The following CTNNA3 variants were observed in gnomAD, a reference collection of about 807,000 sequenced individuals.
CTNNA3 encodes catenin alpha-3.
Under a neutral mutation model 95.7 loss-of-function variants are expected in CTNNA3, and 76 were observed. The observed-to-expected ratio is 0.79, with a 90% CI of 0.66 to 0.96. The LOEUF is 0.96. Among genes scored for constraint, CTNNA3 ranks in the 40% least tolerant of loss-of-function variants. The pLI is 0.00. For missense variants in CTNNA3, 1,191 were observed against 1,089.8 expected (o/e 1.09, Z -1.31); for synonymous variants, 431 against 374.4 (o/e 1.15, Z -1.74).
chr10:66,546,822 G>A (rs1029141680), intron 10 of CTNNA3, among the ~76,000 whole-genome samples: 10 of 152,078 alleles, frequency 6.6e-5, no homozygotes, highest in Non-Finnish European at 1.2e-4. Context: ...GATTTTGGGT[G>A]GGGACACAGC....
At chr10:66,125,439 T>C (rs867799331) in intron 13 of CTNNA3, among the ~76,000 whole-genome samples, 1 of 152,128 alleles carries the variant, frequency 6.6e-6, no homozygotes, top group Non-Finnish European at 1.5e-5. Flanking sequence ...CTAGGGCAAG[T>C]ACTCAGTTTT....
chr10:67,437,337 G>A (rs1253742304), intron 5 of CTNNA3, among the ~76,000 whole-genome samples: 2 of 152,168 alleles, frequency 1.3e-5, no homozygotes, highest in Admixed American at 6.5e-5. Context: ...CTGGGAGTGG[G>A]GTGAGGGATA....
intron 12 of CTNNA3, among the ~76,000 whole-genome samples, chr10:66,298,325 C>G (rs946769871): frequency 6.6e-6 from 1 of 152,148 alleles, no homozygotes; most frequent in East Asian, 1.9e-4. Context: ...GTAATGGTTT[C>G]AAACCAACAC....
At chr10:66,183,577 G>A (rs759304437) in intron 13 of CTNNA3, among the ~76,000 whole-genome samples, 6 of 152,182 alleles carry the variant, frequency 3.9e-5, no homozygotes, top group Non-Finnish European at 7.3e-5. Flanking sequence ...TATGCCAATG[G>A]GCATTGGGTT....
intron 4 of CTNNA3, among the ~76,000 whole-genome samples, chr10:67,531,529 T>C (rs964744459): frequency 1.3e-5 from 2 of 152,248 alleles, no homozygotes; most frequent in African/African-American, 4.8e-5. Context: ...CAGCTGTATT[T>C]ACCCAATGCC....
intron 5 of CTNNA3, among the ~76,000 whole-genome samples, chr10:67,377,036 T>C (rs1419894714): frequency 6.6e-6 from 1 of 152,192 alleles, no homozygotes; most frequent in East Asian, 1.9e-4. Context: ...AAAAGGCATG[T>C]TTGCATTCCA....
rs1366104449 is a variant in CTNNA3 at position 65,918,165 on chromosome 10, T to C, written c.*2165A>G. On this transcript the variant is annotated 3_prime_UTR_variant, in exon 18 of 18. Coordinates refer to ENST00000433211, the MANE Select transcript of CTNNA3 (RefSeq NM_013266.4). ...AGAGATGGAGGTTATTTGGTAATTG[T>C]ATAATTTCAAGTTATTTCTGTTCTT... 6.6e-6 allele frequency: 1 copy of C among 152,204 alleles called. No homozygotes were observed. The highest frequency in any genetic ancestry group is 1.9e-4 in the East Asian group (1 of 5,198). The allele number at this position is 152,204 out of a possible 1,614,324, so 9.4% of individuals were successfully genotyped here. A position where few individuals can be genotyped will look rare whatever the true frequency, so the allele number is the denominator to read the frequency against.
intron 7 of CTNNA3, among the ~76,000 whole-genome samples, chr10:66,941,220 C>A (rs1847977794): frequency 6.6e-6 from 1 of 152,204 alleles, no homozygotes; most frequent in African/African-American, 2.4e-5. Context: ...AGCTGAATGA[C>A]TGAAGTCTCC....
chr10:66,036,873 T>TAA (rs1564594459), intron 15 of CTNNA3, among the ~76,000 whole-genome samples: 51 of 135,728 alleles, frequency 3.8e-4, no homozygotes, highest in Admixed American at 2.2e-4. Context: ...TTTTTTTTTT[T>TAA]TTTTTTTTTT....
rs192378399 is a variant in CTNNA3 at position 66,326,373 on chromosome 10, G to A, written c.1733-45752C>T. Among the ~76,000 whole-genome samples, 40 of 152,142 alleles carry A rather than the reference G, an allele frequency of 2.6e-4. No individual in the cohort carries two copies. The East Asian group carries it at 6.2e-3, about 24-fold the overall frequency. ...ATGATGCTACTCGACATTTGGCACA[G>A]GTAGTACTTATAAATACCTTACAAT... On this transcript the variant is annotated intron_variant, in intron 12 of 17. Coordinates refer to ENST00000433211, the MANE Select transcript of CTNNA3 (RefSeq NM_013266.4).
At chr10:67,588,504 T>C (rs1203364950) in intron 3 of CTNNA3, among the ~76,000 whole-genome samples, 1 of 151,118 alleles carries the variant, frequency 6.6e-6, no homozygotes, top group East Asian at 1.9e-4. Context: ...TAGGTAAAGT[T>C]ATTAGTGGAG....
intron 5 of CTNNA3, among the ~76,000 whole-genome samples, chr10:67,285,977 T>G (rs1005311950): frequency 6.6e-6 from 1 of 152,206 alleles, no homozygotes; most frequent in Non-Finnish European, 1.5e-5. Flanking sequence ...TATTTTGGAA[T>G]AGCAGGTAGT....
chr10:66,598,068 T>A (rs534889988), intron 10 of CTNNA3, among the ~76,000 whole-genome samples: 3 of 152,066 alleles, frequency 2.0e-5, no homozygotes, highest in African/African-American at 7.2e-5. Context: ...AAAAGGAACA[T>A]TCAACATGAA....
In CTNNA3 at chr10:67,301,985, A is replaced by ACG. The variant is rs1336358678; in HGVS notation, c.580-82116_580-82115insCG. Among the ~76,000 whole-genome samples, 9 of 93,346 alleles carry ACG rather than the reference A, an allele frequency of 9.6e-5. 2 individuals carry two copies. The highest frequency in any genetic ancestry group is 7.4e-4 in the African/African-American group (8 of 10,864). 61.2% of individuals were successfully genotyped at this position (93,346 alleles called of 152,430 possible). On this transcript the variant is annotated intron_variant, in intron 5 of 17. Coordinates refer to ENST00000433211, the MANE Select transcript of CTNNA3 (RefSeq NM_013266.4). ...CTCGTCAAGAAAGAAAAAAGAAAGA[A>ACG]AGAAAGAACGAAAGAACGAAAGAAA... is the stretch of plus-strand genomic sequence containing the variant.
intron 17 of CTNNA3, among the ~76,000 whole-genome samples, chr10:65,954,705 G>A (rs2077693811): frequency 6.6e-6 from 1 of 152,100 alleles, no homozygotes; most frequent in Non-Finnish European, 1.5e-5. Context: ...GTAGATGTGT[G>A]GTAGTATTTC....
At chr10:66,178,425 A>ACG (rs1322449894) in intron 13 of CTNNA3, among the ~76,000 whole-genome samples, 1 of 81,824 alleles carries the variant, frequency 1.2e-5, no homozygotes, top group Non-Finnish European at 2.8e-5. Flanking sequence ...ATATATATAT[A>ACG]TATATATATA....
chr10:67,178,930 A>G (rs973444256), intron 7 of CTNNA3, among the ~76,000 whole-genome samples: 2 of 152,014 alleles, frequency 1.3e-5, no homozygotes, highest in Non-Finnish European at 2.9e-5. Context: ...TGACAATACT[A>G]AAATTTTCTT....
intron 7 of CTNNA3, among the ~76,000 whole-genome samples, chr10:67,087,741 A>T (rs1051171255): frequency 2.0e-5 from 3 of 151,966 alleles, no homozygotes; most frequent in African/African-American, 7.2e-5. Flanking sequence ...ATTTTAATAG[A>T]TTATCTCAGT....
At chr10:65,938,280 G>C (rs1314200529) in intron 17 of CTNNA3, among the ~76,000 whole-genome samples, 1 of 152,054 alleles carries the variant, frequency 6.6e-6, no homozygotes, top group African/African-American at 2.4e-5. Flanking sequence ...AACGTGCTTC[G>C]TAAACCATCT....
Sources: allele counts gnomAD v4.1 joint callset (sites outside exome capture counted in the v4.1 genomes callset), GRCh38; gene constraint gnomAD v4.1.1; transcripts MANE v1.5; gene names NCBI Gene and HGNC (gene_info 2026-07-23, HGNC 2026-07-21).